The following TMEM117 variants were observed in gnomAD, a reference collection of about 807,000 sequenced individuals.
The protein encoded by TMEM117 is transmembrane protein 117.
A neutral mutation model predicts 52.4 loss-of-function variants in TMEM117; 27 were observed. That is an observed-to-expected ratio of 0.51 (90% CI 0.38 to 0.71). TMEM117 has a LOEUF of 0.71. Ranked by LOEUF, TMEM117 falls within the 30% of genes least tolerant of loss-of-function variation. TMEM117 has a pLI of 0.00. For synonymous variants in TMEM117, 215 were observed against 206.3 expected (o/e 1.04, Z -0.36); for missense variants, 556 against 630.5 (o/e 0.88, Z 1.26).
chr12:44,381,628 C>T (rs1952021982), intron 7 of TMEM117, among the ~76,000 whole-genome samples: 1 of 152,128 alleles, frequency 6.6e-6, no homozygotes, highest in African/African-American at 2.4e-5. Flanking sequence ...CACGGGAACC[C>T]TTTTGGCAAA....
intron 3 of TMEM117, among the ~76,000 whole-genome samples, chr12:44,115,612 G>T (rs1948127624): frequency 6.6e-6 from 1 of 151,774 alleles, no homozygotes; most frequent in African/African-American, 2.4e-5. Flanking sequence ...AGATGTGCAT[G>T]TTCCCACCGT....
intron 5 of TMEM117, among the ~76,000 whole-genome samples, chr12:44,264,511 C>G (rs989800384): frequency 7.2e-5 from 11 of 152,010 alleles, no homozygotes; most frequent in African/African-American, 2.4e-4. Flanking sequence ...CTCACAGATC[C>G]CTCAGATAAG....
chr12:43,930,192 T>G (rs539082930), intron 2 of TMEM117, among the ~76,000 whole-genome samples: 78 of 152,308 alleles, frequency 5.1e-4, no homozygotes, highest in African/African-American at 1.9e-3. Flanking sequence ...TGAATTCTAA[T>G]TTTTGTTTAC....
intron 6 of TMEM117, among the ~76,000 whole-genome samples, chr12:44,309,786 A>C (rs1439551959): frequency 6.6e-6 from 1 of 152,116 alleles, no homozygotes; most frequent in African/African-American, 2.4e-5. Flanking sequence ...TAAAAAAAAA[A>C]AAAAAACAGA....
At chr12:44,156,050 C>G (rs747195973) in intron 4 of TMEM117, among the ~76,000 whole-genome samples, 2 of 152,166 alleles carry the variant, frequency 1.3e-5, no homozygotes, top group South Asian at 4.2e-4. Flanking sequence ...TAAGAACAAC[C>G]GGAATCTTTG....
chr12:44,138,132 T>G (rs1047841140), intron 3 of TMEM117, among the ~76,000 whole-genome samples: 1 of 152,160 alleles, frequency 6.6e-6, no homozygotes, highest in African/African-American at 2.4e-5. Flanking sequence ...AAGCTTAATC[T>G]TTTCTGGTTC....
At chr12:44,003,093 G>T (rs1946140562) in intron 3 of TMEM117, among the ~76,000 whole-genome samples, 1 of 152,188 alleles carries the variant, frequency 6.6e-6, no homozygotes. Flanking sequence ...TCTGGGAACA[G>T]TGGAACACAG....
At chr12:44,284,439 G>A (rs1473397565) in intron 5 of TMEM117, among the ~76,000 whole-genome samples, 2 of 152,316 alleles carry the variant, frequency 1.3e-5, no homozygotes, top group Non-Finnish European at 1.5e-5. Flanking sequence ...TTTAGTAGCA[G>A]TGTGAAAACA....
In TMEM117 at chr12:43,898,067, CA is replaced by C. The variant is rs531103420; in HGVS notation, c.278-46142del. ...ACGCACGCACACACACACACACACA[CA>C]CACCGATTTCCTTCAGTTTTAGCTT... On this transcript the variant is annotated intron_variant, in intron 2 of 7. Transcript: ENST00000266534. Among the ~76,000 whole-genome samples, 1,282 of 152,004 alleles carry C rather than the reference CA, an allele frequency of 8.4e-3. 14 individuals are homozygous for C. Among genetic ancestry groups the C allele is most frequent in the African/African-American group, 0.029 (1,198 of 41,428 alleles).
At chr12:44,005,061 A>G (rs939733873) in intron 3 of TMEM117, among the ~76,000 whole-genome samples, 1 of 152,254 alleles carries the variant, frequency 6.6e-6, no homozygotes, top group African/African-American at 2.4e-5. Flanking sequence ...TTTAGGAAAC[A>G]TCTACTGTGG....
intron 4 of TMEM117, among the ~76,000 whole-genome samples, chr12:44,162,005 A>G (rs1246186557): frequency 6.6e-6 from 1 of 152,034 alleles, no homozygotes; most frequent in Non-Finnish European, 1.5e-5. Context: ...AATAAATTGG[A>G]CTTTATGCAG....
At chr12:44,161,853 G>T (rs1948902840) in intron 4 of TMEM117, among the ~76,000 whole-genome samples, 1 of 152,098 alleles carries the variant, frequency 6.6e-6, no homozygotes, top group African/African-American at 2.4e-5. Context: ...CAAGTGACAA[G>T]TTGATACTGA....
chr12:44,011,378 G>A lies in TMEM117; in HGVS notation c.410+67036G>A, dbSNP rs1249613583. ...ATTCTCATTCCAAGTGGAAGTAATT[G>A]AATCATACATGGAGGTCTTTCTGTT... On this transcript the variant is annotated intron_variant, in intron 3 of 7. Coordinates refer to ENST00000266534, the MANE Select transcript of TMEM117 (RefSeq NM_032256.3). Among the ~76,000 whole-genome samples the A allele has an allele frequency of 2.6e-5, 4 of 152,018 alleles. 1 individual carries two copies. Among genetic ancestry groups the A allele is most frequent in the Non-Finnish European group, 5.9e-5 (4 of 67,996 alleles).
intron 2 of TMEM117, among the ~76,000 whole-genome samples, chr12:43,913,313 C>T (rs918419741): frequency 1.3e-5 from 2 of 152,226 alleles, no homozygotes; most frequent in East Asian, 3.9e-4. Context: ...GAAAGTGCCT[C>T]ATATTTAATA....
intron 5 of TMEM117, among the ~76,000 whole-genome samples, chr12:44,274,284 A>G (rs1333780851): frequency 1.3e-5 from 2 of 152,140 alleles, no homozygotes; most frequent in Middle Eastern, 3.2e-3. Flanking sequence ...ACTATAAAAC[A>G]CTAATGAAAG....
At chr12:44,081,726 A>G (rs1354940585) in intron 3 of TMEM117, among the ~76,000 whole-genome samples, 1 of 152,128 alleles carries the variant, frequency 6.6e-6, no homozygotes, top group Non-Finnish European at 1.5e-5. Flanking sequence ...TAAGTCCAAC[A>G]TGCAAAACTT....
At chr12:44,127,411 G>T (rs180704069) in intron 3 of TMEM117, among the ~76,000 whole-genome samples, 1 of 151,898 alleles carries the variant, frequency 6.6e-6, no homozygotes, top group African/African-American at 2.4e-5. Context: ...TCACGGTGGC[G>T]CGTGCCTGTT....
Position 43,879,950 on chromosome 12 carries a change from C to T in TMEM117, c.277+35022C>T, listed in dbSNP as rs140523426. On this transcript the variant is annotated intron_variant, in intron 2 of 7. Transcript: ENST00000266534. ...AAAATTACATGAAGGCTGTAATAGA[C>T]CTTTAGGAAGGAAATCTGTTTCTAC... is the stretch of plus-strand genomic sequence containing the variant. 4.2e-3 allele frequency among the ~76,000 whole-genome samples: 632 copies of T among 152,180 alleles called. 4 individuals carry two copies. The highest frequency in any genetic ancestry group is 0.014 in the African/African-American group (586 of 41,512).
At chr12:44,145,547 G>A (rs1948631166) in intron 4 of TMEM117, among the ~76,000 whole-genome samples, 1 of 152,170 alleles carries the variant, frequency 6.6e-6, no homozygotes, top group African/African-American at 2.4e-5. Context: ...TAACGTATAA[G>A]GTAGACATAA....
Sources: allele counts gnomAD v4.1 joint callset (sites outside exome capture counted in the v4.1 genomes callset), GRCh38; gene constraint gnomAD v4.1.1; transcripts MANE v1.5; gene names NCBI Gene and HGNC (gene_info 2026-07-23, HGNC 2026-07-21).